ESF1: variants seen among roughly 807,000 people sequenced by gnomAD.
The protein encoded by ESF1 is ESF1 nucleolar pre-rRNA processing protein, also known as ESF1 homolog.
ESF1 carries 58 observed loss-of-function variants against 92.0 expected under a neutral mutation model. The observed-to-expected ratio is 0.63, with a 90% CI of 0.51 to 0.78. The LOEUF is 0.78. Among genes scored for constraint, ESF1 ranks in the 30% least tolerant of loss-of-function variants. ESF1 has a pLI of 0.00. For missense variants in ESF1, 922 were observed against 989.1 expected (o/e 0.93, Z 0.91); for synonymous variants, 321 against 313.7 (o/e 1.02, Z -0.24).
intron 9 of ESF1, among the ~76,000 whole-genome samples, chr20:13,736,777 C>T (rs920105313): frequency 1.3e-5 from 2 of 152,120 alleles, no homozygotes; most frequent in East Asian, 3.8e-4. Flanking sequence ...AATGTTTATT[C>T]TTAGGAAATA....
chr20:13,766,164 G>A (rs954461846), intron 8 of ESF1, among the ~76,000 whole-genome samples: 2 of 152,116 alleles, frequency 1.3e-5, no homozygotes, highest in Non-Finnish European at 2.9e-5. Flanking sequence ...GATCTAACAT[G>A]TATTTAGCTG....
In ESF1 at chr20:13,772,372, G is replaced by C. The variant is rs1156429130; in HGVS notation, c.1250+143C>G. The C allele has an allele frequency of 1.9e-5, 11 of 566,640 alleles. 1 individual carries two copies. The Admixed American group carries it at 3.2e-4, about 17-fold the overall frequency. The allele number at this position is 566,640 out of a possible 1,614,324, so 35.1% of individuals were successfully genotyped here. On this transcript the variant is annotated intron_variant, in intron 5 of 13. Transcript: ENST00000617257. Reference sequence around the variant, plus strand: ...TTGGAATAATGTACCACTTTTAACAGACTTTAAATCTGTTTTGCAACCTGT... The same window carrying C: ...TTGGAATAATGTACCACTTTTAACACACTTTAAATCTGTTTTGCAACCTGT...
chr20:13,761,431 A>T (rs1302053136), intron 8 of ESF1, among the ~76,000 whole-genome samples: 1 of 151,204 alleles, frequency 6.6e-6, no homozygotes, highest in Non-Finnish European at 1.5e-5. Context: ...AAAAAAAAGA[A>T]GATGGCATTT....
intron 9 of ESF1, among the ~76,000 whole-genome samples, chr20:13,757,766 A>G (rs916272482): frequency 6.6e-6 from 1 of 152,228 alleles, no homozygotes; most frequent in Non-Finnish European, 1.5e-5. Context: ...AACCTGTATC[A>G]TATATCTGTA....
At chr20:13,762,854 GTTT>G (rs33986564) in intron 8 of ESF1, 459 of 186,116 alleles carry the variant, frequency 2.5e-3, no homozygotes, top group Middle Eastern at 6.6e-3. Flanking sequence ...ATTTATTAAA[GTTT>G]TTTTTTTTTT....
chr20:13,753,428 T>G (rs1978731922), intron 9 of ESF1, among the ~76,000 whole-genome samples: 1 of 149,466 alleles, frequency 6.7e-6, no homozygotes, highest in African/African-American at 2.5e-5. Context: ...GAATATCATA[T>G]TTTCAGGCTA....
At chr20:13,749,695 A>G (rs1461305894) in intron 9 of ESF1, among the ~76,000 whole-genome samples, 2 of 152,020 alleles carry the variant, frequency 1.3e-5, no homozygotes, top group Non-Finnish European at 1.5e-5. Context: ...CCTCCCAAGT[A>G]GCTCGGACTA....
At chr20:13,750,478 C>G (rs1263000249) in intron 9 of ESF1, among the ~76,000 whole-genome samples, 1 of 152,094 alleles carries the variant, frequency 6.6e-6, no homozygotes, top group Non-Finnish European at 1.5e-5. Context: ...GCACTCCAGC[C>G]TGGGCGAAAG....
intron 9 of ESF1, among the ~76,000 whole-genome samples, chr20:13,742,138 G>A (rs955264036): frequency 2.0e-5 from 3 of 152,108 alleles, no homozygotes; most frequent in Admixed American, 6.5e-5. Flanking sequence ...AGGCCAATAC[G>A]GGTGGATTAC....
chr20:13,771,220 A>G, intron 6 of ESF1, 111 bp downstream of exon 6: 1 of 1,097,044 alleles, frequency 9.1e-7, no homozygotes, highest in Non-Finnish European at 1.3e-6. Flanking sequence ...ACCGAAAAGC[A>G]AAAAAATCAT....
chr20:13,726,770 A>T (rs2049903207), intron 11 of ESF1, among the ~76,000 whole-genome samples: 1 of 152,202 alleles, frequency 6.6e-6, no homozygotes, highest in South Asian at 2.1e-4. Flanking sequence ...CAAACATGGC[A>T]AGACACTAGC....
rs367673302 is a variant in ESF1 at position 13,782,943 on chromosome 20, C to T, written c.198G>A (p.Glu66=). The T allele has an allele frequency of 5.0e-6, 8 of 1,614,088 alleles. No individual in the cohort carries two copies. The highest frequency in any genetic ancestry group is 6.8e-6 in the Non-Finnish European group (8 of 1,180,036). ...RGRPISHSTT[E]DLKRFYDLSD... ...AAAGGTCGTAAAAACGCTTCAAATC[C>T]TCTGTAGTGCTATGGCTAATGGGGC... Residue 66 remains glutamate, a synonymous_variant, in exon 2 of 14, where the codon GAG becomes GAA. Transcript: ENST00000617257.
At chr20:13,748,592 A>ATATTTTTTTTT (rs1331098586) in intron 9 of ESF1, among the ~76,000 whole-genome samples, 3 of 95,738 alleles carry the variant, frequency 3.1e-5, no homozygotes, top group African/African-American at 1.9e-4. Flanking sequence ...ATATATATAT[A>ATATTTTTTTTT]TTTTTTTTTT....
chr20:13,769,101 TTTTG>T (rs1979565449), intron 7 of ESF1, among the ~76,000 whole-genome samples: 1 of 152,288 alleles, frequency 6.6e-6, no homozygotes, highest in African/African-American at 2.4e-5. Flanking sequence ...TTTTCACTAG[TTTTG>T]TTTAACTGTG....
intron 9 of ESF1, among the ~76,000 whole-genome samples, chr20:13,754,969 TCA>T (rs1462241392): frequency 6.6e-6 from 1 of 152,240 alleles, no homozygotes; most frequent in East Asian, 1.9e-4. Flanking sequence ...CTTCCTCTGC[TCA>T]CACAGTCTTC....
In ESF1 at chr20:13,775,738, A is replaced by G. The variant is rs931770634; in HGVS notation, c.1035+135T>C. ...TCTAGTTCATATAATTATATTCCAT[A>G]TCAAATTTTAATCAGAATCATAAAG... On this transcript the variant is annotated intron_variant, in intron 3 of 13. Coordinates refer to ENST00000617257, the MANE Select transcript of ESF1 (RefSeq NM_001276380.2). 3 of 1,027,490 alleles carry G rather than the reference A, an allele frequency of 2.9e-6. No homozygotes were observed. The South Asian group carries it at 6.5e-5, about 22-fold the overall frequency. The allele number at this position is 1,027,490 out of a possible 1,614,324, so 63.6% of individuals were successfully genotyped here.
At chr20:13,735,674 T>C (rs1358775423) in intron 9 of ESF1, among the ~76,000 whole-genome samples, 1 of 152,160 alleles carries the variant, frequency 6.6e-6, no homozygotes, top group Non-Finnish European at 1.5e-5. Flanking sequence ...TATTATTACA[T>C]GATGTTTAAA....
intron 7 of ESF1, 60 bp from the exon 8 acceptor site, chr20:13,766,984 T>C: frequency 1.3e-6 from 2 of 1,533,484 alleles, no homozygotes; most frequent in Non-Finnish European, 8.9e-7. Flanking sequence ...CTCAAACTTG[T>C]TAAAGAATAT....
intron 9 of ESF1, among the ~76,000 whole-genome samples, chr20:13,748,592 A>ATTTTTTTTTTTT (rs58809594): frequency 2.1e-5 from 2 of 95,738 alleles, no homozygotes; most frequent in African/African-American, 1.3e-4. Flanking sequence ...ATATATATAT[A>ATTTTTTTTTTTT]TTTTTTTTTT....
Sources: gnomAD v4.1 joint callset for allele counts (sites outside exome capture counted in the v4.1 genomes callset) on GRCh38, gnomAD v4.1.1 for gene constraint, MANE v1.5 for transcripts, NCBI Gene and HGNC (gene_info 2026-07-23, HGNC 2026-07-21) for gene names.